Variants in LTBP4 observed in about 807,000 individuals in gnomAD.
LTBP4 encodes the protein latent-transforming growth factor beta-binding protein 4.
In LTBP4, 93 loss-of-function variants were observed where a neutral mutation model predicts 180.2. The observed-to-expected ratio is 0.52, with a 90% CI of 0.44 to 0.61. The LOEUF is 0.61. Among genes scored for constraint, LTBP4 ranks in the 20% least tolerant of loss-of-function variants. LTBP4 has a pLI of 0.00. For missense variants in LTBP4, 2,116 were observed against 2,256.5 expected (o/e 0.94, Z 1.26); for synonymous variants, 947 against 934.5 (o/e 1.01, Z -0.24).
intron 22 of LTBP4, among the ~76,000 whole-genome samples, chr19:40,620,708 G>A (rs904413223): frequency 6.7e-6 from 1 of 149,732 alleles, no homozygotes; most frequent in Non-Finnish European, 1.5e-5. Context: ...TCCAGGAGGC[G>A]GAGGTTGTGG....
intron 19 of LTBP4, 120 bp downstream of exon 19, chr19:40,614,566 C>T (rs932726347): frequency 7.9e-7 from 1 of 1,260,680 alleles, no homozygotes; most frequent in Non-Finnish European, 1.1e-6. Context: ...AGAACACCCT[C>T]TCACCGTATC....
rs2081539927 is a variant in LTBP4 at position 40,615,200 on chromosome 19, G to GGGGGGGT, written c.2812+760_2812+761insTGGGGGG. 2.0e-5 allele frequency: 3 copies of GGGGGGGT among 147,850 alleles called. No individual in the cohort carries two copies. In the South Asian group the frequency reaches 6.8e-4, roughly 34 times the overall value. The allele number at this position is 147,850 out of a possible 1,614,324, so 9.2% of individuals were successfully genotyped here. ...TATATTTTTTTGTGTCGGCGGGGGG[G>GGGGGGGT]GGGGGGCGGTGATGGTGTGTGAGTC... is the stretch of plus-strand genomic sequence containing the variant. On this transcript the variant is annotated intron_variant, in intron 19 of 29. Transcript: ENST00000396819.
chr19:40,613,396 T>C lies in LTBP4; in HGVS notation c.2432-8T>C. 1 of 1,605,142 alleles carries C rather than the reference T, an allele frequency of 6.2e-7. No individual in the cohort carries two copies. The highest frequency in any genetic ancestry group is 8.5e-7 in the Non-Finnish European group (1 of 1,176,624). On this transcript the variant is annotated splice_polypyrimidine_tract_variant and splice_region_variant and intron_variant, in intron 16 of 29. Coordinates refer to ENST00000396819, the MANE Select transcript of LTBP4 (RefSeq NM_001042545.2). This position sits in a 1 kb window ranked among gnomAD's most constrained non-coding sequence, Gnocchi z 5.0. ...CCGTGACTCCGCCCAATCTCCCGCG[T>C]ACCCTAGACGTGAACGAGTGCCTGG...
rs2081531491 is a variant in LTBP4 at position 40,614,326 on chromosome 19, T to C, written c.2692T>C (p.Cys898Arg). The C allele has an allele frequency of 1.3e-6, 2 of 1,599,386 alleles. No homozygotes were observed. The highest frequency in any genetic ancestry group is 1.7e-6 in the Non-Finnish European group (2 of 1,179,380). ...ACCTCTCTCCTCAGACGTGGACGAATGTCGCGAGCGAGGCCCAGCCCTGTG... is the reference window on the plus strand; with the variant it reads ...ACCTCTCTCCTCAGACGTGGACGAACGTCGCGAGCGAGGCCCAGCCCTGTG... ...DLASCLDVDE[C>R]RERGPALCGS... Residue 898 changes from cysteine (C) to arginine (R), a missense_variant, in exon 19 of 30, where the codon TGT becomes CGT. By Grantham distance (180) the Cys-to-Arg change is radical. Coordinates refer to ENST00000396819, the MANE Select transcript of LTBP4 (RefSeq NM_001042545.2).
Position 40,613,418 on chromosome 19 carries a change from C to T in LTBP4, c.2446C>T (p.Leu816=). ...GCGTACCCTAGACGTGAACGAGTGCCTGGAGGGCGATTTCTGCTTCCCTCA... is the reference window on the plus strand; with the variant it reads ...GCGTACCCTAGACGTGAACGAGTGCTTGGAGGGCGATTTCTGCTTCCCTCA... ...PGPCADVNEC[L]EGDFCFPHGE... Residue 816 remains leucine (L), a synonymous_variant, in exon 17 of 30, where the codon CTG becomes TTG. Coordinates refer to ENST00000396819, the MANE Select transcript of LTBP4 (RefSeq NM_001042545.2). This position sits in a 1 kb window ranked among gnomAD's most constrained non-coding sequence, Gnocchi z 5.0. 2 of 1,606,774 alleles carry T rather than the reference C, an allele frequency of 1.2e-6. No homozygotes were observed. The highest frequency in any genetic ancestry group is 2.2e-5 in the East Asian group (1 of 44,534).
At chr19:40,600,176 G>C (rs1329686334), upstream of LTBP4, 13 of 1,250,630 alleles carry the variant, frequency 1.0e-5, no homozygotes, top group Middle Eastern at 1.2e-3. The surrounding 1 kb of genome is among the most constrained non-coding windows in gnomAD (Gnocchi z 4.4). Context: ...GCAAGGCCCC[G>C]GGTAAGCACA....
chr19:40,626,985 G>A lies in LTBP4; in HGVS notation c.3996G>A (p.Glu1332=). 1 of 1,557,686 alleles carries A rather than the reference G, an allele frequency of 6.4e-7. No individual in the cohort carries two copies. The highest frequency in any genetic ancestry group is 2.3e-5 in the East Asian group (1 of 44,092). Residue 1332 remains glutamate, a synonymous_variant, in exon 28 of 30, where the codon GAG becomes GAA. Coordinates refer to ENST00000396819, the MANE Select transcript of LTBP4 (RefSeq NM_001042545.2). ...LCPAQDSDDF[E]ALCNVLRPPA... is the part of the protein sequence containing the mutation. ...GGCTCCTGTTCCCAGATGACTTCGA[G>A]GCCCTGTGCAATGTGCTACGCCCCC...
Position 40,608,582 on chromosome 19 carries a change from G to T in LTBP4, c.1405G>T (p.Gly469Cys). The change falls in exon 9 of 30, where the codon GGT (glycine) becomes TGT (cysteine). Residue 469 changes from glycine to cysteine, a missense_variant. Coordinates refer to ENST00000396819, the MANE Select transcript of LTBP4 (RefSeq NM_001042545.2). ...CTTGCCCAGCATCCCTGCCTGGACT[G>T]GTCCTGAGATTCCTGAATCAGGTTT... The part of the protein sequence containing the change: ...LPLPSIPAWT[G>C]PEIPESGPSS... The T allele has an allele frequency of 6.3e-7, 1 of 1,597,854 alleles. No homozygotes were observed. Among genetic ancestry groups the T allele is most frequent in the Non-Finnish European group, 8.5e-7 (1 of 1,172,782 alleles).
chr19:40,618,036 T>A (rs1383654090), intron 21 of LTBP4, among the ~76,000 whole-genome samples: 2 of 152,090 alleles, frequency 1.3e-5, no homozygotes, highest in African/African-American at 4.8e-5. Context: ...ATTCAATATG[T>A]GTTTACCAAT....
Position 40,617,051 on chromosome 19 carries a change from T to C in LTBP4, c.2944+31T>C, listed in dbSNP as rs529517992. 4 of 1,612,980 alleles carry C rather than the reference T, an allele frequency of 2.5e-6. No homozygotes were observed. In the East Asian group the frequency reaches 8.9e-5, roughly 36 times the overall value. ...TGTCCATCAGGCATCGGGTGAGATG[T>C]GGAGATGGTAGAAGGTCCAGAAATG... On this transcript the variant is annotated intron_variant, in intron 20 of 29. Transcript: ENST00000396819.
At position 40,610,084 on chromosome 19, in the gene LTBP4, T is replaced by A. The variant is rs2081494137; in HGVS notation, c.1684+213T>A. On this transcript the variant is annotated intron_variant, in intron 11 of 29. Coordinates refer to ENST00000396819, the MANE Select transcript of LTBP4 (RefSeq NM_001042545.2). ...CCCTACCCAGCTCCCAAACTGCCAG[T>A]TTCTATCGGGGCCTGGTCGCAACTC... 4.8e-6 allele frequency: 3 copies of A among 619,144 alleles called. No homozygotes were observed. The East Asian group carries it at 9.3e-5, about 19-fold the overall frequency. 38.4% of individuals were successfully genotyped at this position (619,144 alleles called of 1,614,324 possible).
intron 22 of LTBP4, among the ~76,000 whole-genome samples, chr19:40,620,754 G>C (rs1415709528): frequency 8.6e-6 from 1 of 116,608 alleles, no homozygotes; most frequent in Admixed American, 1.0e-4. Context: ...GGTGAGAGAG[G>C]AAGACTCCGT....
upstream of LTBP4, chr19:40,600,076 A>G (rs950467549): frequency 3.1e-5 from 39 of 1,262,278 alleles, no homozygotes; most frequent in Middle Eastern, 2.1e-4. The surrounding 1 kb of genome is among the most constrained non-coding windows in gnomAD (Gnocchi z 4.4). Context: ...AGGCTCCAGG[A>G]GGCCAGAGCT....
chr19:40,624,697 C>T (rs908533841), intron 26 of LTBP4, among the ~76,000 whole-genome samples: 4 of 152,216 alleles, frequency 2.6e-5, no homozygotes, highest in African/African-American at 9.6e-5. Context: ...CCACACCTGG[C>T]TGATGAATTT....
rs774320855 is a variant in LTBP4, at chr19:40,608,525, C to T, written c.1348C>T (p.Arg450Trp). Residue 450 changes from arginine (R) to tryptophan (W), a missense_variant, in exon 9 of 30, where the codon CGG (arginine) becomes TGG (tryptophan). By Grantham distance (101) the Arg-to-Trp change is moderately radical (BLOSUM62 -3). Around this residue, in one of 5 missense-constraint regions of LTBP4, gnomAD observed 877 missense variants for 873.6 expected, o/e 1.00. Transcript: ENST00000396819. ...THRLEPRPEP[R>W]PDPRPGPELP... ...TCGCCTGGAGCCCCGGCCTGAACCC[C>T]GGCCCGATCCCCGGCCCGGCCCTGA... The T allele has an allele frequency of 2.2e-5, 35 of 1,605,604 alleles. No homozygotes were observed. The highest frequency in any genetic ancestry group is 1.6e-4 in the South Asian group (14 of 88,320).
At chr19:40,606,936 A>G (rs1321281567) in intron 6 of LTBP4, among the ~76,000 whole-genome samples, 1 of 152,184 alleles carries the variant, frequency 6.6e-6, no homozygotes, top group Non-Finnish European at 1.5e-5. Context: ...TTTTTGGTAG[A>G]GACAGGGTTT....
At position 40,608,483 on chromosome 19, in the gene LTBP4, G is replaced by T; in HGVS notation, c.1307-1G>T. The T allele has an allele frequency of 6.2e-7, 1 of 1,600,994 alleles. No individual in the cohort carries two copies. Among genetic ancestry groups the T allele is most frequent in the African/African-American group, 1.3e-5 (1 of 74,822 alleles). ...ACTCGTTGATACCCCTTCTTTATCA[G>T]GCTTTCTGCCCACCCATCGCCTGGA... On this transcript the variant is annotated splice_acceptor_variant, in intron 8 of 29. Coordinates refer to ENST00000396819, the MANE Select transcript of LTBP4 (RefSeq NM_001042545.2). LOFTEE classifies it high-confidence loss of function.
intron 9 of LTBP4, 106 bp downstream of exon 9, chr19:40,608,709 G>A (rs1015780159): frequency 1.1e-5 from 14 of 1,314,692 alleles, no homozygotes; most frequent in Non-Finnish European, 1.4e-5. Flanking sequence ...TCAGGAGTTC[G>A]AGACCAGCCT....
chr19:40,620,767 C>CA (rs57662483), intron 22 of LTBP4, among the ~76,000 whole-genome samples: 13,426 of 99,930 alleles, frequency 0.13, 820 homozygotes, highest in Non-Finnish European at 0.18. Flanking sequence ...GACTCCGTCC[C>CA]AAAAAAAAAA....
Sources: allele counts gnomAD v4.1 joint callset (sites outside exome capture counted in the v4.1 genomes callset), GRCh38; gene constraint gnomAD v4.1.1; regional missense constraint gnomAD v4.1.1; non-coding constraint Gnocchi (gnomAD v3.1); transcripts MANE v1.5; gene names NCBI Gene and HGNC (gene_info 2026-07-23, HGNC 2026-07-21).